The following FBXW10 variants were observed in gnomAD, a reference collection of about 807,000 sequenced individuals.
The protein encoded by FBXW10 is F-box and WD repeat domain containing 10.
In FBXW10, 68 loss-of-function variants were observed where a neutral mutation model predicts 113.1. The ratio of observed to expected loss-of-function variants is 0.60; its 90% CI spans 0.49 to 0.74. The LOEUF (loss-of-function observed/expected upper bound fraction) is 0.74. Among genes scored for constraint, FBXW10 ranks in the 30% least tolerant of loss-of-function variants. The probability of loss-of-function intolerance (pLI) is 0.00; values close to 1 mark genes in which losing one functional copy is unlikely to be tolerated. For missense variants in FBXW10, 753 were observed against 1,284.5 expected, an observed-to-expected ratio of 0.59 and a Z score of 6.32; for synonymous variants, 289 against 481.6, an observed-to-expected ratio of 0.60 and a Z score of 5.24.
chr17:18,760,523 G>T (rs1489440128), intron 7 of FBXW10, among the ~76,000 whole-genome samples: 1 of 152,234 alleles, frequency 6.6e-6, no homozygotes, highest in Admixed American at 6.5e-5. Flanking sequence ...CTCAATATGG[G>T]CCAGGCGCGG....
chr17:18,750,316 T>C (rs1303239678), intron 4 of FBXW10, among the ~76,000 whole-genome samples, 179 bp downstream of exon 4: 1 of 152,172 alleles, frequency 6.6e-6, no homozygotes, highest in Non-Finnish European at 1.5e-5. Flanking sequence ...AACTGAGTAC[T>C]CTTTCATTGT....
Position 18,744,620 on chromosome 17 carries a change from G to C in FBXW10, c.376G>C (p.Ala126Pro). 1.9e-6 allele frequency: 3 copies of C among 1,613,988 alleles called. No individual in the cohort carries two copies. The highest frequency in any genetic ancestry group is 2.5e-6 in the Non-Finnish European group (3 of 1,179,870). The part of the protein sequence containing the change: ...QKMKEILYWF[A>P]NSTQWTKANY... Reference sequence around the variant, plus strand: ...GATGAAAGAGATCTTGTACTGGTTTGCGAACAGCACCCAGTGGACCAAGGC... The same window carrying C: ...GATGAAAGAGATCTTGTACTGGTTTCCGAACAGCACCCAGTGGACCAAGGC... The change falls in exon 1 of 14, where the codon GCG (alanine) becomes CCG (proline). Residue 126 changes from alanine to proline, a missense_variant. Transcript: ENST00000395665.
chr17:18,752,850 GA>G (rs2035195033), intron 5 of FBXW10, among the ~76,000 whole-genome samples: 1 of 152,180 alleles, frequency 6.6e-6, no homozygotes, highest in African/African-American at 2.4e-5. Context: ...CCAGCTGAGT[GA>G]AAGAGGCATT....
At chr17:18,754,884 A>C (rs2035229992) in intron 5 of FBXW10, among the ~76,000 whole-genome samples, 1 of 152,238 alleles carries the variant, frequency 6.6e-6, no homozygotes, top group Non-Finnish European at 1.5e-5. Context: ...CTGTAAAATA[A>C]TGAGAACATT....
At chr17:18,750,258 C>A in intron 4 of FBXW10, 121 bp downstream of exon 4, 2 of 878,236 alleles carry the variant, frequency 2.3e-6, no homozygotes, top group Non-Finnish European at 3.5e-6. Context: ...CATTTGTGGC[C>A]TTTTAGGCTT....
intron 5 of FBXW10, among the ~76,000 whole-genome samples, chr17:18,754,348 CT>C (rs2035222071): frequency 1.3e-5 from 2 of 151,750 alleles, no homozygotes; most frequent in South Asian, 4.2e-4. Context: ...GGAAAACTCC[CT>C]GGACACTGGA....
In FBXW10 at chr17:18,751,056, G is replaced by T; in HGVS notation, c.1122+3G>T. On this transcript the variant is annotated splice_donor_region_variant and intron_variant, in intron 5 of 13. Transcript: ENST00000395665. ...CGAAGTGGAAGCTGAGAACGAAGGTGGGTTCCAACAGCATCTGGGGCAAGT... is the reference window on the plus strand; with the variant it reads ...CGAAGTGGAAGCTGAGAACGAAGGTTGGTTCCAACAGCATCTGGGGCAAGT... 5 of 1,613,862 alleles carry T rather than the reference G, an allele frequency of 3.1e-6. No homozygotes were observed. The highest frequency in any genetic ancestry group is 1.1e-5 in the South Asian group (1 of 91,056).
intron 7 of FBXW10, among the ~76,000 whole-genome samples, chr17:18,763,515 AG>A (rs2035426817): frequency 6.6e-6 from 1 of 151,970 alleles, no homozygotes; most frequent in Non-Finnish European, 1.5e-5. Context: ...GTGGTAGTTC[AG>A]TAATTTGCCC....
intron 5 of FBXW10, among the ~76,000 whole-genome samples, chr17:18,754,649 A>G (rs1051056111): frequency 4.0e-5 from 6 of 151,628 alleles, no homozygotes; most frequent in African/African-American, 1.5e-4. Context: ...GGCAGGGAAT[A>G]TAAATGGAAC....
chr17:18,760,630 C>A (rs1448429517), intron 7 of FBXW10, among the ~76,000 whole-genome samples: 3 of 152,118 alleles, frequency 2.0e-5, no homozygotes, highest in Non-Finnish European at 4.4e-5. Context: ...ATGGAGAAAC[C>A]CCGTCTCTAC....
chr17:18,771,432 T>C (rs8073523), intron 11 of FBXW10, among the ~76,000 whole-genome samples: 129,628 of 152,088 alleles, frequency 0.85, 55,356 homozygotes, highest in Admixed American at 0.89. Flanking sequence ...GGCAGTGCTG[T>C]GGGGGCACAG....
Position 18,761,290 on chromosome 17 carries a change from G to A in FBXW10, c.1433+2785G>A, listed in dbSNP as rs1319246868. On this transcript the variant is annotated intron_variant, in intron 7 of 13. Transcript: ENST00000395665. Reference sequence around the variant, plus strand: ...TTTCTTTTTTTTTTTTTTTAAGACGGAGTCTCGCTCTCTCGCCCAGGCTAG... The same window carrying A: ...TTTCTTTTTTTTTTTTTTTAAGACGAAGTCTCGCTCTCTCGCCCAGGCTAG... 4.6e-5 allele frequency among the ~76,000 whole-genome samples: 7 copies of A among 150,864 alleles called. No individual in the cohort carries two copies. In the East Asian group the frequency reaches 1.4e-3, roughly 29 times the overall value.
At chr17:18,765,143 C>A (rs943526583) in intron 8 of FBXW10, among the ~76,000 whole-genome samples, 2 of 152,062 alleles carry the variant, frequency 1.3e-5, no homozygotes, top group African/African-American at 2.4e-5. Context: ...CTTTTTATTT[C>A]TTCAAAGGGC....
At chr17:18,747,800 A>G (rs1161415030) in intron 1 of FBXW10, 141 bp from the exon 2 acceptor site, 13 of 1,364,190 alleles carry the variant, frequency 9.5e-6, no homozygotes, top group Middle Eastern at 2.7e-4. Flanking sequence ...GGAGGCCCCA[A>G]ATAAAAACAG....
At chr17:18,772,717 A>G in intron 12 of FBXW10, 34 bp downstream of exon 12, 1 of 1,591,284 alleles carries the variant, frequency 6.3e-7, no homozygotes, top group Non-Finnish European at 8.6e-7. Flanking sequence ...GTTCAGTGAT[A>G]ACCCACAGAG....
chr17:18,758,574 T>C, intron 7 of FBXW10, 69 bp downstream of exon 7: 1 of 1,578,158 alleles, frequency 6.3e-7, no homozygotes, highest in South Asian at 1.1e-5. Flanking sequence ...GGAAGAAGTG[T>C]GCATGCTTCT....
At chr17:18,768,308 C>T (rs139952195) in intron 9 of FBXW10, among the ~76,000 whole-genome samples, 4,436 of 152,076 alleles carry the variant, frequency 0.029, 78 homozygotes, top group Middle Eastern at 0.054. Context: ...CCTTGTGATC[C>T]GCCCGCCTCG....
At chr17:18,765,781 C>G (rs1055203059) in intron 8 of FBXW10, among the ~76,000 whole-genome samples, 10 of 151,992 alleles carry the variant, frequency 6.6e-5, no homozygotes, top group African/African-American at 2.4e-4. Context: ...GGTTAGAGTG[C>G]AGTGGCACAA....
chr17:18,768,039 C>CTTCCTTCCTTCCTTCT (rs2035534921), intron 9 of FBXW10, among the ~76,000 whole-genome samples: 1 of 142,348 alleles, frequency 7.0e-6, no homozygotes, highest in Non-Finnish European at 1.5e-5. Context: ...TCCTTCCTTC[C>CTTCCTTCCTTCCTTCT]TTCCTTCCTT....
Sources: gnomAD v4.1 joint callset for allele counts (sites outside exome capture counted in the v4.1 genomes callset) on GRCh38, gnomAD v4.1.1 for gene constraint, MANE v1.5 for transcripts, NCBI Gene and HGNC (gene_info 2026-07-23, HGNC 2026-07-21) for gene names.